The following XRN1 variants were observed in gnomAD, a reference collection of about 807,000 sequenced individuals.
The protein encoded by XRN1 is strand-exchange protein 1 homolog.
Under a neutral mutation model 222.3 loss-of-function variants are expected in XRN1, and 67 were observed. That is an observed-to-expected ratio of 0.30 (90% CI 0.25 to 0.37). The LOEUF (loss-of-function observed/expected upper bound fraction) is 0.37. XRN1 is among the 10% of genes least tolerant of loss of function. The pLI is 1.00. For missense variants in XRN1, 1,707 were observed against 2,000.2 expected (o/e 0.85, Z 2.80); for synonymous variants, 643 against 652.4 (o/e 0.99, Z 0.22).
intron 39 of XRN1, among the ~76,000 whole-genome samples, chr3:142,316,679 TA>T (rs1253634709): frequency 6.6e-6 from 1 of 152,338 alleles, no homozygotes; most frequent in Middle Eastern, 3.4e-3. Context: ...ATTCATTGTA[TA>T]ACTATACTAC....
At position 142,414,306 on chromosome 3, in the gene XRN1, T is replaced by C; in HGVS notation, c.1437-15A>G. 6.5e-7 allele frequency: 1 copy of C among 1,537,108 alleles called. No homozygotes were observed. The highest frequency in any genetic ancestry group is 2.0e-5 in the Admixed American group (1 of 50,418). The stretch of plus-strand genomic sequence containing the variant: ...AAGGATAATACCTATAAAACAAAAC[T>C]GAGTTTTAAACAAGTGGCATCTTTA... On this transcript the variant is annotated splice_polypyrimidine_tract_variant and intron_variant, in intron 13 of 40. Transcript: ENST00000392981.
intron 1 of XRN1, chr3:142,435,268 G>A (rs1307217702): frequency 6.6e-6 from 1 of 152,084 alleles, no homozygotes; most frequent in African/African-American, 2.4e-5. Flanking sequence ...CTTGGTGGCA[G>A]GTGCCTATAG....
At chr3:142,417,322 G>C in intron 12 of XRN1, 93 bp from the exon 13 acceptor site, 5 of 968,772 alleles carry the variant, frequency 5.2e-6, no homozygotes, top group Non-Finnish European at 7.7e-6. Context: ...TTTTACCTCA[G>C]ATGATTTATT....
chr3:142,312,991 G>A, intron 39 of XRN1: 2 of 994,826 alleles, frequency 2.0e-6, no homozygotes, highest in Non-Finnish European at 2.9e-6. Context: ...GGCCTGAAAA[G>A]GAGAATACTA....
intron 19 of XRN1, among the ~76,000 whole-genome samples, chr3:142,399,238 G>GAAAAA (rs58300200): frequency 5.1e-5 from 3 of 59,166 alleles, no homozygotes; most frequent in Non-Finnish European, 7.4e-5. Flanking sequence ...AAACAATTCT[G>GAAAAA]AAAAAAAAAA....
At chr3:142,442,659 A>G (rs988056318) in intron 1 of XRN1, among the ~76,000 whole-genome samples, 3 of 152,254 alleles carry the variant, frequency 2.0e-5, no homozygotes, top group African/African-American at 7.2e-5. Flanking sequence ...TATCAAGCAG[A>G]TAGTTAGGGC....
intron 37 of XRN1, among the ~76,000 whole-genome samples, chr3:142,322,917 C>A (rs920269411): frequency 6.6e-6 from 1 of 152,044 alleles, no homozygotes; most frequent in African/African-American, 2.4e-5. Flanking sequence ...GCAGGATAAT[C>A]GCTTGAACCC....
rs2068232879 is a variant in XRN1, at chr3:142,403,701, G to T, written c.2076C>A (p.Ile692=). The change falls in exon 18 of 41, where the codon ATC becomes ATA. Residue 692 remains isoleucine (I), a synonymous_variant. Coordinates refer to ENST00000392981, the MANE Select transcript of XRN1 (RefSeq NM_001282857.2). ...GTTCATCTGATTCTGCATCCACTAAGATTTCCAACATCATGTTTTCTCCAC... is the reference window on the plus strand; with the variant it reads ...GTTCATCTGATTCTGCATCCACTAATATTTCCAACATCATGTTTTCTCCAC... ...SSRGENMMLE[I]LVDAESDELT... 1 of 1,613,052 alleles carries T rather than the reference G, an allele frequency of 6.2e-7. No homozygotes were observed. The highest frequency in any genetic ancestry group is 8.5e-7 in the Non-Finnish European group (1 of 1,179,530).
chr3:142,391,359 T>C (rs1410230060), intron 20 of XRN1, among the ~76,000 whole-genome samples: 1 of 152,182 alleles, frequency 6.6e-6, no homozygotes, highest in African/African-American at 2.4e-5. Flanking sequence ...TCCCAAGTGG[T>C]TGGAAGATTT....
chr3:142,349,434 T>C (rs2066243794), intron 32 of XRN1, among the ~76,000 whole-genome samples: 1 of 152,084 alleles, frequency 6.6e-6, no homozygotes. Context: ...GTATGGTAAA[T>C]GAACTGTGTA....
Position 142,432,852 on chromosome 3 carries a change from A to G in XRN1, c.117T>C (p.Ile39=). ...CATTAGGATGGGAGCACTGATGTAT[A>G]ATTCCATTCATATCCAGGTACAAGT... The part of the protein sequence containing the change: ...FDNLYLDMNG[I]IHQCSHPNDD... Residue 39 remains isoleucine (I), a synonymous_variant, in exon 2 of 41, where the codon ATT becomes ATC. Coordinates refer to ENST00000392981, the MANE Select transcript of XRN1 (RefSeq NM_001282857.2). 6.2e-7 allele frequency: 1 copy of G among 1,613,178 alleles called. No homozygotes were observed. The highest frequency in any genetic ancestry group is 8.5e-7 in the Non-Finnish European group (1 of 1,179,544).
In XRN1 at chr3:142,388,563, T is replaced by C. The variant is rs75362140; in HGVS notation, c.2340-3878A>G. ...TAGGCTATTAGTAGTTAACTTTTTG[T>C]TAGTGGAGGGTCTCACCTTGATATT... On this transcript the variant is annotated intron_variant, in intron 20 of 40. Coordinates refer to ENST00000392981, the MANE Select transcript of XRN1 (RefSeq NM_001282857.2). 5.1e-3 allele frequency among the ~76,000 whole-genome samples: 781 copies of C among 152,292 alleles called. 9 individuals are homozygous for C. Among genetic ancestry groups the C allele is most frequent in the African/African-American group, 0.018 (759 of 41,562 alleles).
chr3:142,323,755 A>C (rs2065430289), intron 37 of XRN1, among the ~76,000 whole-genome samples: 1 of 152,068 alleles, frequency 6.6e-6, no homozygotes, highest in Non-Finnish European at 1.5e-5. Flanking sequence ...AGGTGGGAGG[A>C]CTGCTTGAAG....
intron 3 of XRN1, among the ~76,000 whole-genome samples, chr3:142,426,198 G>T (rs2069239197): frequency 6.6e-6 from 1 of 152,098 alleles, no homozygotes; most frequent in African/African-American, 2.4e-5. Context: ...TCAAAGTAAA[G>T]AATTATATGA....
intron 22 of XRN1, among the ~76,000 whole-genome samples, chr3:142,382,771 G>GTA (rs752883203): frequency 9.6e-4 from 146 of 151,626 alleles, no homozygotes; most frequent in African/African-American, 2.5e-3. Context: ...ATGCATACGT[G>GTA]TATATATATA....
chr3:142,359,917 C>G lies in XRN1; in HGVS notation c.3409G>C (p.Asp1137His), dbSNP rs73238159. 6.3e-7 allele frequency: 1 copy of G among 1,599,806 alleles called. No individual in the cohort carries two copies. The highest frequency in any genetic ancestry group is 1.7e-5 in the Admixed American group (1 of 58,514). The part of the protein sequence containing the change: ...IGIKGANREA[D>H]VLFEVLFDEE... ...TCAAATAATACTTCAAATAGTACATCGGCTTCTCTATTAGCTGTTACAATA... is the reference window on the plus strand; with the variant it reads ...TCAAATAATACTTCAAATAGTACATGGGCTTCTCTATTAGCTGTTACAATA... Residue 1137 changes from aspartate (D) to histidine (H), a missense_variant, in exon 30 of 41, where the codon GAT becomes CAT. Asp to His is a moderately conservative substitution (Grantham distance 81, BLOSUM62 -1). Coordinates refer to ENST00000392981, the MANE Select transcript of XRN1 (RefSeq NM_001282857.2).
intron 36 of XRN1, among the ~76,000 whole-genome samples, chr3:142,331,374 C>T (rs554843508): frequency 3.5e-4 from 53 of 152,242 alleles, no homozygotes; most frequent in African/African-American, 1.0e-3. Flanking sequence ...GTATGACTCA[C>T]TTTCCTATAT....
At chr3:142,382,417 T>C (rs1193593683) in intron 22 of XRN1, among the ~76,000 whole-genome samples, 1 of 152,192 alleles carries the variant, frequency 6.6e-6, no homozygotes, top group Non-Finnish European at 1.5e-5. Flanking sequence ...CATGAATTCC[T>C]GTTTTCCCCC....
At chr3:142,313,039 T>C (rs2065118580) in intron 39 of XRN1, 2 of 1,364,870 alleles carry the variant, frequency 1.5e-6, no homozygotes, top group East Asian at 2.3e-5. Context: ...TTTAGGAATA[T>C]TTGCAATTAT....
Sources: allele counts gnomAD v4.1 joint callset (sites outside exome capture counted in the v4.1 genomes callset), GRCh38; gene constraint gnomAD v4.1.1; transcripts MANE v1.5; gene names NCBI Gene and HGNC (gene_info 2026-07-23, HGNC 2026-07-21).